Variants in CCDC150 observed in about 807,000 individuals in gnomAD.
The protein encoded by CCDC150 is coiled-coil domain-containing protein 150.
In CCDC150, 151 loss-of-function variants were observed where a neutral mutation model predicts 156.5. That is an observed-to-expected ratio of 0.97 (90% CI 0.85 to 1.10). CCDC150 has a LOEUF of 1.10. CCDC150 is among the 50% of genes least tolerant of loss of function. CCDC150 has a pLI of 0.00. For synonymous variants in CCDC150, 452 were observed against 429.4 expected (o/e 1.05, Z -0.65); for missense variants, 1,312 against 1,268.1 (o/e 1.03, Z -0.53).
chr2:196,729,893 T>C (rs955628419), intron 24 of CCDC150, 32 bp downstream of exon 24: 2 of 1,603,548 alleles, frequency 1.2e-6, no homozygotes, highest in African/African-American at 1.3e-5. Flanking sequence ...TGTGTTTACC[T>C]TTCATGCAAA....
At chr2:196,683,264 A>G (rs1443830380) in intron 13 of CCDC150, among the ~76,000 whole-genome samples, 2 of 152,038 alleles carry the variant, frequency 1.3e-5, no homozygotes, top group African/African-American at 4.8e-5. Flanking sequence ...TGCTGTGTCT[A>G]TTGAGATGAT....
At chr2:196,657,331 T>G (rs937825199) in intron 4 of CCDC150, 195 bp downstream of exon 4, 7 of 542,220 alleles carry the variant, frequency 1.3e-5, no homozygotes, top group African/African-American at 1.1e-4. Flanking sequence ...GTGTGCTATC[T>G]GTGATTGATT....
At position 196,731,055 on chromosome 2, in the gene CCDC150, A is replaced by G. The variant is rs1430762660; in HGVS notation, c.3069+110A>G. The stretch of plus-strand genomic sequence containing the variant: ...TCATTAACGTAGTTGTCAGGAATGC[A>G]ACAGGGAAGAACGAGTAACTTCCTA... On this transcript the variant is annotated intron_variant, in intron 26 of 27. Coordinates refer to ENST00000389175, the MANE Select transcript of CCDC150 (RefSeq NM_001080539.2). 1.7e-5 allele frequency: 12 copies of G among 691,548 alleles called. No homozygotes were observed. The East Asian group carries it at 3.3e-4, about 19-fold the overall frequency. 42.8% of individuals were successfully genotyped at this position (691,548 alleles called of 1,614,324 possible).
At chr2:196,670,668 T>G (rs6434876) in intron 8 of CCDC150, among the ~76,000 whole-genome samples, 1 of 151,616 alleles carries the variant, frequency 6.6e-6, no homozygotes, top group Non-Finnish European at 1.5e-5. Flanking sequence ...ATGTGTTCCT[T>G]TGAAGTCATA....
intron 7 of CCDC150, among the ~76,000 whole-genome samples, chr2:196,668,295 TAAAAAA>T (rs55945331): frequency 1.1e-5 from 1 of 92,256 alleles, no homozygotes; most frequent in African/African-American, 3.9e-5. Flanking sequence ...AAACTCCATC[TAAAAAA>T]AAAAAAAAAA....
At position 196,677,029 on chromosome 2, in the gene CCDC150, C is replaced by T. The variant is rs537250972; in HGVS notation, c.1441-264C>T. 1,228 of 675,546 alleles carry T rather than the reference C, an allele frequency of 1.8e-3. 3 individuals carry two copies. Among genetic ancestry groups the T allele is most frequent in the Middle Eastern group, 0.011 (46 of 4,206 alleles). The allele number at this position is 675,546 out of a possible 1,614,324, so 41.8% of individuals were successfully genotyped here. A position where few individuals can be genotyped will look rare whatever the true frequency, so the allele number is the denominator to read the frequency against. ...GATTTCCCCTGAAGGAGTGGGACAG[C>T]GAAGGTTAAGGGGGAACAGCCCTGT... is the stretch of plus-strand genomic sequence containing the variant. On this transcript the variant is annotated intron_variant, in intron 12 of 27. Transcript: ENST00000389175.
intron 13 of CCDC150, among the ~76,000 whole-genome samples, chr2:196,678,454 G>T (rs1156429089): frequency 6.6e-6 from 1 of 152,200 alleles, no homozygotes; most frequent in East Asian, 1.9e-4. Context: ...TCTGGTTCTA[G>T]TGATATGAAA....
At position 196,646,479 on chromosome 2, in the gene CCDC150, A is replaced by G. The variant is rs1692547648; in HGVS notation, c.151A>G (p.Ile51Val). The change falls in exon 2 of 28, where the codon ATA (isoleucine) becomes GTA (valine). Residue 51 changes from isoleucine (I) to valine (V), a missense_variant. Ile to Val is a conservative substitution (Grantham distance 29, BLOSUM62 3). Transcript: ENST00000389175. ...EQTSSLRDDL[I>V]MLDFGEKRGY... ...GACCAGTTCACTGAGGGATGACCTA[A>G]TAATGTTGGATTTTGGTGAAAAAAG... The G allele has an allele frequency of 1.1e-5, 18 of 1,613,548 alleles. No homozygotes were observed. Among genetic ancestry groups the G allele is most frequent in the Non-Finnish European group, 1.5e-5 (18 of 1,179,652 alleles).
chr2:196,712,371 C>A, intron 16 of CCDC150, 119 bp downstream of exon 16: 1 of 609,148 alleles, frequency 1.6e-6, no homozygotes, highest in Non-Finnish European at 2.8e-6. Flanking sequence ...TGTCACTTGA[C>A]TCAGTTTAAC....
intron 4 of CCDC150, among the ~76,000 whole-genome samples, chr2:196,658,589 G>T (rs1693364802): frequency 6.6e-6 from 1 of 152,138 alleles, no homozygotes; most frequent in African/African-American, 2.4e-5. Context: ...TAGAAATCAT[G>T]TATCAAAGTA....
In CCDC150 at chr2:196,665,635, C is replaced by T; in HGVS notation, c.714C>T (p.Leu238=). 6.2e-7 allele frequency: 1 copy of T among 1,603,842 alleles called. No individual in the cohort carries two copies. ...ESLEKSASAM[L]LKIQEMGSTV... is the part of the protein sequence containing the mutation. ...TAGAGAAATCAGCATCAGCCATGCTCCTCAAAATACAAGAAATGGGATCAA... is the reference window on the plus strand; with the variant it reads ...TAGAGAAATCAGCATCAGCCATGCTTCTCAAAATACAAGAAATGGGATCAA... Residue 238 remains leucine (L), a synonymous_variant, in exon 6 of 28, where the codon CTC becomes CTT. Coordinates refer to ENST00000389175, the MANE Select transcript of CCDC150 (RefSeq NM_001080539.2).
chr2:196,658,642 T>C, intron 4 of CCDC150, 150 bp from the exon 5 acceptor site: 1 of 559,302 alleles, frequency 1.8e-6, no homozygotes, highest in South Asian at 2.5e-5. Context: ...TAATAATTAC[T>C]TCAGACTTAT....
rs1693805488 is a variant in CCDC150, at chr2:196,665,694, T to C, written c.762+11T>C. ...GTAGAACGAAAACAGGTAGAAAGAT[T>C]TCTTCTCCTTATGTGGTTTGGGAAA... On this transcript the variant is annotated intron_variant, in intron 6 of 27. Coordinates refer to ENST00000389175, the MANE Select transcript of CCDC150 (RefSeq NM_001080539.2). 3 of 1,499,144 alleles carry C rather than the reference T, an allele frequency of 2.0e-6. No individual in the cohort carries two copies. Among genetic ancestry groups the C allele is most frequent in the Non-Finnish European group, 2.7e-6 (3 of 1,097,384 alleles). The allele number at this position is 1,499,144 out of a possible 1,614,324, so 92.9% of individuals were successfully genotyped here.
chr2:196,650,445 G>C (rs568361875), intron 2 of CCDC150, among the ~76,000 whole-genome samples: 1 of 152,302 alleles, frequency 6.6e-6, no homozygotes, highest in African/African-American at 2.4e-5. Flanking sequence ...CCAGGTTGGA[G>C]TGCAGTGGCG....
chr2:196,701,304 TCC>T (rs1310580174), intron 15 of CCDC150, 124 bp downstream of exon 15: 3 of 694,910 alleles, frequency 4.3e-6, no homozygotes, highest in Non-Finnish European at 7.0e-6. Context: ...TCTCTGAACA[TCC>T]TTAAGTTTGT....
intron 14 of CCDC150, among the ~76,000 whole-genome samples, chr2:196,699,286 TATA>T (rs1163355593): frequency 3.9e-5 from 6 of 152,206 alleles, no homozygotes; most frequent in African/African-American, 1.4e-4. Context: ...TATGAATATG[TATA>T]ATAATGTATG....
At chr2:196,689,886 C>T (rs1344685817) in intron 13 of CCDC150, among the ~76,000 whole-genome samples, 1 of 152,130 alleles carries the variant, frequency 6.6e-6, no homozygotes, top group East Asian at 1.9e-4. Flanking sequence ...GTGGGTTTGT[C>T]ATAGATAGCT....
At chr2:196,681,284 A>C (rs150885281) in intron 13 of CCDC150, among the ~76,000 whole-genome samples, 6 of 152,268 alleles carry the variant, frequency 3.9e-5, no homozygotes, top group African/African-American at 1.4e-4. Context: ...AGTATGTATC[A>C]GTACTTCATT....
rs777725212 is a variant in CCDC150 at position 196,701,127 on chromosome 2, G to GA, written c.1648dup (p.Ile550AsnfsTer3). On this transcript the variant is annotated frameshift_variant, in exon 15 of 28. Coordinates refer to ENST00000389175, the MANE Select transcript of CCDC150 (RefSeq NM_001080539.2). LOFTEE classifies it high-confidence loss of function. ...TTATCAGCTTGCCCAACAGAAGGTG[G>GA]AAAAAATCACTGAAAGTAAAAATAA... is the stretch of plus-strand genomic sequence containing the variant. The GA allele has an allele frequency of 1.9e-5, 31 of 1,608,356 alleles. No homozygotes were observed. Among genetic ancestry groups the GA allele is most frequent in the South Asian group, 7.8e-5 (7 of 89,660 alleles).
Sources: allele counts gnomAD v4.1 joint callset (sites outside exome capture counted in the v4.1 genomes callset), GRCh38; gene constraint gnomAD v4.1.1; transcripts MANE v1.5; gene names NCBI Gene and HGNC (gene_info 2026-07-23, HGNC 2026-07-21).